The following ELOVL6 variants were observed in gnomAD, a reference collection of about 807,000 sequenced individuals.
ELOVL6 encodes the protein ELOVL fatty acid elongase 6.
ELOVL6 carries 8 observed loss-of-function variants against 31.7 expected under a neutral mutation model. That is an observed-to-expected ratio of 0.25 (90% CI 0.15 to 0.45). The LOEUF (loss-of-function observed/expected upper bound fraction) is 0.45. Among genes scored for constraint, ELOVL6 ranks in the 20% least tolerant of loss-of-function variants. ELOVL6 has a pLI of 1.00. For synonymous variants in ELOVL6, 101 were observed against 117.7 expected, an observed-to-expected ratio of 0.86 and a Z score of 0.92; for missense variants, 126 against 326.4, an observed-to-expected ratio of 0.39 and a Z score of 4.73.
chr4:110,151,395 C>A (rs1471572099), intron 1 of ELOVL6, among the ~76,000 whole-genome samples: 1 of 151,982 alleles, frequency 6.6e-6, no homozygotes. Context: ...TTGTCTGGAC[C>A]TACAACTTGA....
chr4:110,141,698 T>C (rs1221446448), intron 1 of ELOVL6, among the ~76,000 whole-genome samples: 1 of 147,968 alleles, frequency 6.8e-6, no homozygotes, highest in African/African-American at 2.5e-5. Flanking sequence ...AGTATATATA[T>C]TGTATTGTAT....
chr4:110,059,401 A>T (rs931667806), intron 3 of ELOVL6, among the ~76,000 whole-genome samples: 1 of 152,220 alleles, frequency 6.6e-6, no homozygotes, highest in African/African-American at 2.4e-5. Context: ...TCTACTCTTA[A>T]TATGCACAAT....
chr4:110,090,620 T>TTTTTTTTTTTTTC (rs1756397937), intron 2 of ELOVL6, among the ~76,000 whole-genome samples: 1 of 148,284 alleles, frequency 6.7e-6, no homozygotes, highest in Non-Finnish European at 1.5e-5. Context: ...TTTTTTTTTT[T>TTTTTTTTTTTTTC]CATGAGACGG....
chr4:110,109,684 T>A (rs570819105), intron 1 of ELOVL6, among the ~76,000 whole-genome samples: 1 of 152,348 alleles, frequency 6.6e-6, no homozygotes, highest in Non-Finnish European at 1.5e-5. Context: ...CATGTTTTTT[T>A]AAACTCGTGG....
At chr4:110,122,674 G>C (rs111878713) in intron 1 of ELOVL6, among the ~76,000 whole-genome samples, 5 of 152,220 alleles carry the variant, frequency 3.3e-5, no homozygotes, top group Admixed American at 6.5e-5. Flanking sequence ...CACTGCACCC[G>C]GCCCCAAAAT....
At chr4:110,134,757 C>T (rs968740931) in intron 1 of ELOVL6, among the ~76,000 whole-genome samples, 1 of 151,932 alleles carries the variant, frequency 6.6e-6, no homozygotes, top group Non-Finnish European at 1.5e-5. Flanking sequence ...GCCAGGAATT[C>T]GAGACCAGCC....
intron 1 of ELOVL6, among the ~76,000 whole-genome samples, chr4:110,124,659 T>C (rs950011330): frequency 6.6e-6 from 1 of 151,816 alleles, no homozygotes; most frequent in Non-Finnish European, 1.5e-5. Context: ...CCATGGCACA[T>C]GTTTACCTAT....
intron 2 of ELOVL6, among the ~76,000 whole-genome samples, chr4:110,074,354 G>A (rs1421924112): frequency 6.6e-6 from 1 of 152,130 alleles, no homozygotes; most frequent in African/African-American, 2.4e-5. Context: ...AACCAAGCTT[G>A]GTTGAATCTG....
intron 2 of ELOVL6, among the ~76,000 whole-genome samples, chr4:110,084,588 A>ATAT (rs1553956261): frequency 9.4e-4 from 28 of 29,662 alleles, no homozygotes; most frequent in East Asian, 1.6e-3. Context: ...ATATATATAT[A>ATAT]TTTTTTTTTT....
At chr4:110,184,022 ATC>A (rs1315236486) in intron 1 of ELOVL6, among the ~76,000 whole-genome samples, 1 of 152,164 alleles carries the variant, frequency 6.6e-6, no homozygotes, top group Non-Finnish European at 1.5e-5. Context: ...TAAAAAAATC[ATC>A]TCTCTCTGAT....
intron 1 of ELOVL6, among the ~76,000 whole-genome samples, chr4:110,114,686 T>G (rs756607974): frequency 7.9e-5 from 12 of 152,184 alleles, no homozygotes; most frequent in Non-Finnish European, 1.8e-4. Context: ...CCTGATTGTC[T>G]TTATCCTAAA....
At chr4:110,080,603 C>T (rs1560810843) in intron 2 of ELOVL6, among the ~76,000 whole-genome samples, 1 of 152,078 alleles carries the variant, frequency 6.6e-6, no homozygotes, top group African/African-American at 2.4e-5. Flanking sequence ...AGAATAATAA[C>T]AGCTATCCGT....
chr4:110,124,888 A>T (rs1398323359), intron 1 of ELOVL6, among the ~76,000 whole-genome samples: 1 of 152,172 alleles, frequency 6.6e-6, no homozygotes, highest in Non-Finnish European at 1.5e-5. Context: ...TTTAGGTCCA[A>T]GTTGCAAAAA....
At chr4:110,082,044 A>G (rs1755874270) in intron 2 of ELOVL6, among the ~76,000 whole-genome samples, 1 of 147,420 alleles carries the variant, frequency 6.8e-6, no homozygotes, top group South Asian at 2.2e-4. Context: ...CCACAATGAG[A>G]TACCGTCTCA....
At chr4:110,169,238 G>GT (rs140593620) in intron 1 of ELOVL6, among the ~76,000 whole-genome samples, 28,998 of 136,186 alleles carry the variant, frequency 0.21, 3,656 homozygotes, top group East Asian at 0.31. Flanking sequence ...GGGGTTTTTT[G>GT]TTTTGTTTTT....
chr4:110,176,379 T>C (rs1759105995), intron 1 of ELOVL6, among the ~76,000 whole-genome samples: 1 of 152,064 alleles, frequency 6.6e-6, no homozygotes, highest in Admixed American at 6.6e-5. Flanking sequence ...GCAGGCTGGT[T>C]TCAAACTCCT....
intron 1 of ELOVL6, among the ~76,000 whole-genome samples, chr4:110,137,895 TA>T (rs1757854553): frequency 6.6e-6 from 1 of 152,224 alleles, no homozygotes; most frequent in Non-Finnish European, 1.5e-5. Flanking sequence ...GTATCTCATG[TA>T]GCACCTACAT....
chr4:110,178,313 C>G (rs989226271), intron 1 of ELOVL6, among the ~76,000 whole-genome samples: 6 of 152,054 alleles, frequency 3.9e-5, no homozygotes, highest in Non-Finnish European at 8.8e-5. Flanking sequence ...TTGGGGAGGC[C>G]AAGGTGGGCG....
At chr4:110,168,036 A>C (rs565772009) in intron 1 of ELOVL6, among the ~76,000 whole-genome samples, 1 of 152,338 alleles carries the variant, frequency 6.6e-6, no homozygotes, top group African/African-American at 2.4e-5. Context: ...GAAAACGTCT[A>C]CTACTTAAGA....
Sources: allele counts gnomAD v4.1 joint callset (sites outside exome capture counted in the v4.1 genomes callset), GRCh38; gene constraint gnomAD v4.1.1; transcripts MANE v1.5; gene names NCBI Gene and HGNC (gene_info 2026-07-23, HGNC 2026-07-21).